ZFPM2: variants seen among roughly 807,000 people sequenced by gnomAD.
ZFPM2 encodes the protein zinc finger protein ZFPM2.
Under a neutral mutation model 98.6 loss-of-function variants are expected in ZFPM2, and 20 were observed. The observed-to-expected ratio is 0.20, with a 90% CI of 0.14 to 0.29. The LOEUF (loss-of-function observed/expected upper bound fraction) is 0.29. Among genes scored for constraint, ZFPM2 ranks in the 10% least tolerant of loss-of-function variants. The probability of loss-of-function intolerance (pLI) is 1.00; values close to 1 mark genes in which losing one functional copy is unlikely to be tolerated. For synonymous variants in ZFPM2, 518 were observed against 502.7 expected (o/e 1.03, Z -0.41); for missense variants, 1,310 against 1,388.6 (o/e 0.94, Z 0.90).
chr8:105,606,505 G>A (rs7015025), intron 4 of ZFPM2, among the ~76,000 whole-genome samples: 45,973 of 151,786 alleles, frequency 0.3, 7,266 homozygotes, highest in South Asian at 0.4. Context: ...CAATTGGCTG[G>A]TCTGTGGGAG....
At chr8:105,565,911 T>G (rs1815234308) in intron 4 of ZFPM2, among the ~76,000 whole-genome samples, 1 of 152,164 alleles carries the variant, frequency 6.6e-6, no homozygotes, top group Non-Finnish European at 1.5e-5. Flanking sequence ...AGAGATTTGT[T>G]ATAAGGAATT....
chr8:105,521,137 AC>A (rs1814047544), intron 3 of ZFPM2, among the ~76,000 whole-genome samples: 2 of 149,666 alleles, frequency 1.3e-5, no homozygotes, highest in Admixed American at 1.3e-4. Flanking sequence ...ATATATACAC[AC>A]ACACACACAC....
At chr8:105,399,213 A>G (rs1170153397) in intron 1 of ZFPM2, among the ~76,000 whole-genome samples, 1 of 152,180 alleles carries the variant, frequency 6.6e-6, no homozygotes, top group East Asian at 1.9e-4. Flanking sequence ...CAGAAGACAT[A>G]AAAGCAGAGG....
In ZFPM2 at chr8:105,399,839, C is replaced by T. The variant is rs183666750; in HGVS notation, c.41-19305C>T. ...GGAGTGCAGTGGCGCGATCTCGGCT[C>T]ACCGCAACCTGTGCCTCCTGGGTTC... On this transcript the variant is annotated intron_variant, in intron 1 of 7. Coordinates refer to ENST00000407775, the MANE Select transcript of ZFPM2 (RefSeq NM_012082.4). 1.3e-3 allele frequency among the ~76,000 whole-genome samples: 201 copies of T among 152,210 alleles called. 2 individuals carry two copies. Among genetic ancestry groups the T allele is most frequent in the Admixed American group, 9.8e-3 (150 of 15,286 alleles).
chr8:105,363,975 T>C (rs1269704136), intron 1 of ZFPM2, among the ~76,000 whole-genome samples: 2 of 152,108 alleles, frequency 1.3e-5, no homozygotes, highest in Non-Finnish European at 1.5e-5. Flanking sequence ...AACTGAGATA[T>C]AGGTTTTTTT....
chr8:105,669,409 G>A (rs1306510038), intron 5 of ZFPM2, among the ~76,000 whole-genome samples: 11 of 150,024 alleles, frequency 7.3e-5, no homozygotes, highest in Non-Finnish European at 1.6e-4. Context: ...CTAATTTGGG[G>A]CAAATATATA....
chr8:105,318,888 G>T lies in ZFPM2; in HGVS notation c.-54G>T. The T allele has an allele frequency of 8.2e-7, 1 of 1,213,476 alleles. No homozygotes were observed. Among genetic ancestry groups the T allele is most frequent in the Non-Finnish European group, 1.1e-6 (1 of 946,388 alleles). The allele number at this position is 1,213,476 out of a possible 1,614,324, so 75.2% of individuals were successfully genotyped here. On this transcript the variant is annotated 5_prime_UTR_variant, in exon 1 of 8. Transcript: ENST00000407775. Reference sequence around the variant, plus strand: ...GGCGGCGGCGGGAGCCGAGGGAGCGGCAGCCGCGACCGCGGGCACCGCGGG... The same window carrying T: ...GGCGGCGGCGGGAGCCGAGGGAGCGTCAGCCGCGACCGCGGGCACCGCGGG...
At chr8:105,517,974 C>T (rs1813972929) in intron 3 of ZFPM2, among the ~76,000 whole-genome samples, 1 of 152,120 alleles carries the variant, frequency 6.6e-6, no homozygotes, top group African/African-American at 2.4e-5. Context: ...GTGTGCCTCT[C>T]TTTTAGAGCT....
chr8:105,721,711 A>C (rs1204255921), intron 5 of ZFPM2, among the ~76,000 whole-genome samples: 1 of 151,968 alleles, frequency 6.6e-6, no homozygotes, highest in Non-Finnish European at 1.5e-5. Context: ...TCTTACCTTC[A>C]TCAGGCCTTC....
chr8:105,679,450 G>A (rs534903283), intron 5 of ZFPM2, among the ~76,000 whole-genome samples: 2 of 152,076 alleles, frequency 1.3e-5, no homozygotes, highest in African/African-American at 2.4e-5. Flanking sequence ...AGATTTAGCT[G>A]CAATGTGCTT....
intron 5 of ZFPM2, among the ~76,000 whole-genome samples, chr8:105,674,570 T>C (rs1817653977): frequency 6.6e-6 from 1 of 152,214 alleles, no homozygotes; most frequent in African/African-American, 2.4e-5. Flanking sequence ...TACCTTGGCA[T>C]CATATTTTTA....
intron 1 of ZFPM2, among the ~76,000 whole-genome samples, chr8:105,388,621 C>A (rs1811047430): frequency 6.6e-6 from 1 of 152,118 alleles, no homozygotes; most frequent in African/African-American, 2.4e-5. Context: ...GGCATTGGGA[C>A]AAACATAATG....
At chr8:105,625,927 G>C (rs1249560795) in intron 4 of ZFPM2, among the ~76,000 whole-genome samples, 1 of 149,608 alleles carries the variant, frequency 6.7e-6, no homozygotes, top group African/African-American at 2.5e-5. Flanking sequence ...ACATGGAATG[G>C]AATGATTTTG....
At chr8:105,626,913 A>G (rs1273837129) in intron 4 of ZFPM2, among the ~76,000 whole-genome samples, 1 of 148,800 alleles carries the variant, frequency 6.7e-6, no homozygotes, top group African/African-American at 2.5e-5. Flanking sequence ...ATGGAGGCCA[A>G]TTTTTTAATC....
chr8:105,378,679 T>C (rs889736193), intron 1 of ZFPM2, among the ~76,000 whole-genome samples: 2 of 152,216 alleles, frequency 1.3e-5, no homozygotes, highest in African/African-American at 4.8e-5. Context: ...ATCCTCATTA[T>C]AGAAACAAAA....
At chr8:105,360,307 TTTTG>T (rs979850582) in intron 1 of ZFPM2, among the ~76,000 whole-genome samples, 26 of 152,342 alleles carry the variant, frequency 1.7e-4, no homozygotes, top group South Asian at 1.2e-3. Context: ...TCTTTAACTT[TTTTG>T]TTTGTTTGTT....
chr8:105,418,522 T>G, intron 1 of ZFPM2: 1 of 514,152 alleles, frequency 1.9e-6, no homozygotes, highest in Non-Finnish European at 3.9e-6. Context: ...ACAAATTACA[T>G]TTTTTCATTA....
At chr8:105,706,859 C>T (rs370570562) in intron 5 of ZFPM2, among the ~76,000 whole-genome samples, 3 of 152,130 alleles carry the variant, frequency 2.0e-5, no homozygotes, top group East Asian at 1.9e-4. Context: ...GGATTACAGG[C>T]GTGAACCACC....
intron 3 of ZFPM2, among the ~76,000 whole-genome samples, chr8:105,549,495 TCTCC>T (rs1171543197): frequency 7.2e-5 from 9 of 124,304 alleles, no homozygotes; most frequent in South Asian, 5.8e-4. Context: ...ACAAATCTTC[TCTCC>T]CTCCCTCCCT....
Sources: allele counts gnomAD v4.1 joint callset (sites outside exome capture counted in the v4.1 genomes callset), GRCh38; gene constraint gnomAD v4.1.1; transcripts MANE v1.5; gene names NCBI Gene and HGNC (gene_info 2026-07-23, HGNC 2026-07-21).